Variants in MTUS2 observed in about 807,000 individuals in gnomAD.
The protein encoded by MTUS2 is microtubule-associated tumor suppressor candidate 2.
A neutral mutation model predicts 114.1 loss-of-function variants in MTUS2; 40 were observed. The observed-to-expected ratio is 0.35, with a 90% CI of 0.27 to 0.46. The LOEUF (loss-of-function observed/expected upper bound fraction) is 0.46, where lower values mean the gene tolerates loss of function less well. MTUS2 is among the 20% of genes least tolerant of loss of function. The probability of loss-of-function intolerance (pLI) is 1.00; values close to 1 mark genes in which losing one functional copy is unlikely to be tolerated. For missense variants in MTUS2, 1,679 were observed against 1,705.4 expected (o/e 0.98, Z 0.27); for synonymous variants, 688 against 672.0 (o/e 1.02, Z -0.37).
chr13:29,042,675 T>G (rs1264427456), intron 4 of MTUS2, among the ~76,000 whole-genome samples: 2 of 152,180 alleles, frequency 1.3e-5, no homozygotes, highest in Non-Finnish European at 2.9e-5. Context: ...GAATTTAATT[T>G]CATTGTGGTT....
chr13:28,865,778 G>A (rs1158023204), intron 2 of MTUS2, among the ~76,000 whole-genome samples: 2 of 152,108 alleles, frequency 1.3e-5, no homozygotes, highest in East Asian at 3.9e-4. Context: ...CCAGCTATCG[G>A]GTTTTCCCTA....
chr13:29,180,993 A>G (rs1296792777), intron 5 of MTUS2, among the ~76,000 whole-genome samples: 1 of 152,238 alleles, frequency 6.6e-6, no homozygotes, highest in Non-Finnish European at 1.5e-5. Context: ...AAAAAAAATT[A>G]TCTTGCCTGT....
chr13:29,333,150 G>A (rs2052987287), intron 7 of MTUS2, among the ~76,000 whole-genome samples: 1 of 152,118 alleles, frequency 6.6e-6, no homozygotes, highest in Admixed American at 6.5e-5. Flanking sequence ...TCAGGAGCAG[G>A]TTGTTCAATT....
intron 2 of MTUS2, among the ~76,000 whole-genome samples, chr13:28,900,917 C>T (rs1365958372): frequency 2.0e-5 from 3 of 152,164 alleles, no homozygotes; most frequent in South Asian, 2.1e-4. Context: ...ACTGCAGTTT[C>T]TCAGTAGTAT....
intron 2 of MTUS2, among the ~76,000 whole-genome samples, chr13:28,939,459 G>A (rs1006643177): frequency 3.9e-5 from 6 of 152,094 alleles, no homozygotes; most frequent in African/African-American, 1.4e-4. Flanking sequence ...ATTGCTTTTT[G>A]CAATACTAAT....
chr13:29,390,198 T>C (rs1393070032), intron 8 of MTUS2, among the ~76,000 whole-genome samples: 1 of 150,880 alleles, frequency 6.6e-6, no homozygotes, highest in Admixed American at 6.6e-5. Context: ...ATATTTTTTC[T>C]AATGGAGTGA....
At chr13:28,950,051 C>T (rs1467827672) in intron 2 of MTUS2, among the ~76,000 whole-genome samples, 1 of 152,184 alleles carries the variant, frequency 6.6e-6, no homozygotes, top group Non-Finnish European at 1.5e-5. Flanking sequence ...ACAATGGTTG[C>T]TCTATTTTAC....
chr13:29,344,100 T>C (rs1868423412), intron 7 of MTUS2, among the ~76,000 whole-genome samples: 1 of 152,150 alleles, frequency 6.6e-6, no homozygotes, highest in Admixed American at 6.5e-5. Flanking sequence ...GAATGTTCCA[T>C]GTGCTGATGA....
intron 5 of MTUS2, among the ~76,000 whole-genome samples, chr13:29,124,085 C>T (rs1211976903): frequency 2.0e-5 from 3 of 152,176 alleles, no homozygotes; most frequent in Non-Finnish European, 4.4e-5. Flanking sequence ...TCTCAGTCTA[C>T]CCTGAACTTC....
intron 2 of MTUS2, among the ~76,000 whole-genome samples, chr13:28,934,946 C>T (rs1293350422): frequency 6.6e-6 from 1 of 151,308 alleles, no homozygotes; most frequent in African/African-American, 2.4e-5. Flanking sequence ...CCCAGCAGCT[C>T]CCTGGTACCC....
chr13:29,026,849 A>C lies in MTUS2; in HGVS notation c.2151A>C (p.Gly717=), dbSNP rs151179083. 2.5e-6 allele frequency: 4 copies of C among 1,606,880 alleles called. No homozygotes were observed. In the Admixed American group the frequency reaches 6.7e-5, roughly 27 times the overall value. ...RVFSSGLMVS[G]IKPPGHPFSQ... is the part of the protein sequence containing the mutation. ...TCAGTTCCGGATTGATGGTGTCTGG[A>C]ATCAAGCCCCCGGGACATCCTTTCA... The change falls in exon 3 of 16, where the codon GGA becomes GGC. Residue 717 remains glycine, a synonymous_variant. Transcript: ENST00000612955.
intron 2 of MTUS2, among the ~76,000 whole-genome samples, chr13:28,865,554 G>C (rs1402164375): frequency 6.6e-6 from 1 of 152,200 alleles, no homozygotes; most frequent in Non-Finnish European, 1.5e-5. Context: ...GAGAGGCCGA[G>C]CTTAGTTATG....
intron 5 of MTUS2, among the ~76,000 whole-genome samples, chr13:29,232,163 A>G (rs1428266298): frequency 6.6e-6 from 1 of 152,086 alleles, no homozygotes; most frequent in Non-Finnish European, 1.5e-5. Context: ...TTCTGCTTTT[A>G]TTAATAAAAG....
At chr13:28,933,118 AAC>A (rs59162969) in intron 2 of MTUS2, among the ~76,000 whole-genome samples, 24,885 of 144,912 alleles carry the variant, frequency 0.17, 2,200 homozygotes, top group East Asian at 0.34. Context: ...GGAGAATCAG[AAC>A]ACACACACAC....
chr13:29,393,747 G>T (rs1873693399), intron 8 of MTUS2, among the ~76,000 whole-genome samples: 1 of 152,108 alleles, frequency 6.6e-6, no homozygotes, highest in Non-Finnish European at 1.5e-5. Context: ...GATAGTCCAA[G>T]AACAGCTTGG....
chr13:29,347,195 C>G lies in MTUS2; in HGVS notation c.2906-12067C>G, dbSNP rs138137355. On this transcript the variant is annotated intron_variant, in intron 7 of 15. Coordinates refer to ENST00000612955, the MANE Select transcript of MTUS2 (RefSeq NM_001033602.4). Reference sequence around the variant, plus strand: ...GCCTCCTGTCTGCCATTTTCCCTCACTTTCTGATTTCTATTCTTTTTACTC... The same window carrying G: ...GCCTCCTGTCTGCCATTTTCCCTCAGTTTCTGATTTCTATTCTTTTTACTC... Among the ~76,000 whole-genome samples, 1,157 of 152,302 alleles carry G rather than the reference C, an allele frequency of 7.6e-3. 14 individuals carry two copies. Among genetic ancestry groups the G allele is most frequent in the African/African-American group, 0.027 (1,109 of 41,552 alleles).
chr13:28,940,894 T>C (rs965128106), intron 2 of MTUS2, among the ~76,000 whole-genome samples: 1 of 152,040 alleles, frequency 6.6e-6, no homozygotes, highest in Non-Finnish European at 1.5e-5. Flanking sequence ...AGAGAAGTAA[T>C]GTTTGAAGAG....
In MTUS2 at chr13:29,405,081, T is replaced by C. The variant is rs1300024770; in HGVS notation, c.3118-34902T>C. On this transcript the variant is annotated intron_variant, in intron 8 of 15. Coordinates refer to ENST00000612955, the MANE Select transcript of MTUS2 (RefSeq NM_001033602.4). Reference sequence around the variant, plus strand: ...AAAGTATGCCTAATCTTTCTTTAAATACTGACCAGTAAATCTGCTGCTTTC... The same window carrying C: ...AAAGTATGCCTAATCTTTCTTTAAACACTGACCAGTAAATCTGCTGCTTTC... Among the ~76,000 whole-genome samples, 4 of 152,246 alleles carry C rather than the reference T, an allele frequency of 2.6e-5. No homozygotes were observed. The East Asian group carries it at 7.7e-4, about 29-fold the overall frequency.
intron 4 of MTUS2, among the ~76,000 whole-genome samples, chr13:29,065,690 G>A (rs1888632698): frequency 6.6e-6 from 1 of 152,190 alleles, no homozygotes; most frequent in African/African-American, 2.4e-5. Flanking sequence ...GAACTCAGGA[G>A]GAGCAGATGG....
Sources: gnomAD v4.1 joint callset for allele counts (sites outside exome capture counted in the v4.1 genomes callset) on GRCh38, gnomAD v4.1.1 for gene constraint, MANE v1.5 for transcripts, NCBI Gene and HGNC (gene_info 2026-07-23, HGNC 2026-07-21) for gene names.